PXYLP1: variants seen among roughly 807,000 people sequenced by gnomAD.
PXYLP1 encodes the protein 2-phosphoxylose phosphatase 1.
Under a neutral mutation model 37.9 loss-of-function variants are expected in PXYLP1, and 17 were observed. The observed-to-expected ratio is 0.45, with a 90% confidence interval of 0.31 to 0.67. The LOEUF (loss-of-function observed/expected upper bound fraction) is 0.67. Ranked by LOEUF, PXYLP1 falls within the 30% of genes least tolerant of loss-of-function variation. PXYLP1 has a pLI of 0.07. For synonymous variants in PXYLP1, 221 were observed against 232.2 expected (o/e 0.95, Z 0.44); for missense variants, 511 against 612.0 (o/e 0.84, Z 1.74).
intron 2 of PXYLP1, chr3:141,273,528 G>A: frequency 1.0e-6 from 1 of 985,406 alleles, no homozygotes; most frequent in Non-Finnish European, 1.2e-6. Flanking sequence ...TGGTGGGGAG[G>A]GAGCCTGCGT....
At chr3:141,264,167 C>G (rs757757881) in intron 2 of PXYLP1, among the ~76,000 whole-genome samples, 7 of 151,476 alleles carry the variant, frequency 4.6e-5, no homozygotes, top group Non-Finnish European at 2.9e-5. Flanking sequence ...GATTCAGATT[C>G]CCAGTGGGAA....
chr3:141,248,113 C>T (rs542121570), intron 1 of PXYLP1, among the ~76,000 whole-genome samples: 2 of 151,102 alleles, frequency 1.3e-5, no homozygotes, highest in Admixed American at 6.6e-5. Flanking sequence ...ACCTCTGCCT[C>T]CCAGGTTCAA....
intron 3 of PXYLP1, among the ~76,000 whole-genome samples, chr3:141,278,948 A>G (rs1941875486): frequency 6.6e-6 from 1 of 152,210 alleles, no homozygotes; most frequent in Non-Finnish European, 1.5e-5. Flanking sequence ...TGCTTTTGTA[A>G]AAGTGTATCA....
intron 1 of PXYLP1, among the ~76,000 whole-genome samples, chr3:141,259,218 A>G (rs1001174518): frequency 2.0e-5 from 3 of 152,234 alleles, no homozygotes; most frequent in African/African-American, 7.2e-5. Context: ...GAAGAAGATT[A>G]TATTTGAATG....
At chr3:141,274,553 T>G (rs1414598689) in intron 2 of PXYLP1, 1 of 1,146,580 alleles carries the variant, frequency 8.7e-7, no homozygotes, top group Admixed American at 2.0e-5. Context: ...CAACCCTCAG[T>G]GCTCCACATG....
chr3:141,266,971 G>A (rs555962755), intron 2 of PXYLP1, among the ~76,000 whole-genome samples: 6 of 152,268 alleles, frequency 3.9e-5, no homozygotes, highest in South Asian at 2.1e-4. Context: ...CACCTTCCTC[G>A]GTGGTTCAGA....
chr3:141,261,465 A>G (rs982061851), intron 2 of PXYLP1, among the ~76,000 whole-genome samples: 1 of 152,232 alleles, frequency 6.6e-6, no homozygotes, highest in African/African-American at 2.4e-5. Flanking sequence ...TCAGCACAAT[A>G]ATAAGCAACC....
chr3:141,249,890 G>A (rs569652583), intron 1 of PXYLP1, among the ~76,000 whole-genome samples: 1 of 152,178 alleles, frequency 6.6e-6, no homozygotes, highest in Admixed American at 6.5e-5. Flanking sequence ...GGCTTGATGA[G>A]TTAGTTATTT....
intron 1 of PXYLP1, among the ~76,000 whole-genome samples, chr3:141,248,640 C>CGT (rs1230838743): frequency 1.1e-5 from 1 of 93,986 alleles, no homozygotes; most frequent in East Asian, 4.0e-4. Flanking sequence ...TATATACACA[C>CGT]GTGTATATAT....
chr3:141,274,378 C>A, intron 2 of PXYLP1: 2 of 1,439,458 alleles, frequency 1.4e-6, no homozygotes, highest in East Asian at 2.5e-5. Context: ...GTATCCTGAG[C>A]CAGCTTGCTG....
Position 141,260,109 on chromosome 3 carries a change from T to C in PXYLP1, c.-53-14T>C. ...CCTCTAAACACTCATTTATCACCTC[T>C]GCTTTATTCACAGGACATGTTCCCG... is the stretch of plus-strand genomic sequence containing the variant. On this transcript the variant is annotated splice_polypyrimidine_tract_variant and intron_variant, in intron 1 of 5. Coordinates refer to ENST00000286353, the MANE Select transcript of PXYLP1 (RefSeq NM_001037172.3). 6.3e-7 allele frequency: 1 copy of C among 1,587,934 alleles called. No individual in the cohort carries two copies. The highest frequency in any genetic ancestry group is 1.3e-5 in the African/African-American group (1 of 74,580).
chr3:141,248,611 G>GTA (rs1400814568), intron 1 of PXYLP1, among the ~76,000 whole-genome samples: 1 of 94,810 alleles, frequency 1.1e-5, no homozygotes, highest in Non-Finnish European at 2.0e-5. Flanking sequence ...ATATACACAC[G>GTA]TATATATACA....
intron 4 of PXYLP1, among the ~76,000 whole-genome samples, chr3:141,283,272 C>T (rs191274650): frequency 6.6e-6 from 1 of 152,070 alleles, no homozygotes; most frequent in Admixed American, 6.6e-5. Flanking sequence ...GTGAGCCACC[C>T]TGCCTGGCCT....
intron 4 of PXYLP1, among the ~76,000 whole-genome samples, chr3:141,283,795 C>T (rs1942009922): frequency 6.6e-6 from 1 of 151,554 alleles, no homozygotes; most frequent in African/African-American, 2.4e-5. Context: ...CTGTGCAGAA[C>T]TCAGTCATTG....
At chr3:141,251,423 A>G (rs1384136806) in intron 1 of PXYLP1, among the ~76,000 whole-genome samples, 5 of 152,230 alleles carry the variant, frequency 3.3e-5, no homozygotes, top group Non-Finnish European at 5.9e-5. Context: ...TATTACGTCC[A>G]ATCACGACTC....
chr3:141,286,899 G>A (rs1942087084), intron 4 of PXYLP1, among the ~76,000 whole-genome samples: 1 of 152,258 alleles, frequency 6.6e-6, no homozygotes, highest in Non-Finnish European at 1.5e-5. Flanking sequence ...AGCACCAGGA[G>A]AAAGAATCTG....
chr3:141,248,657 GTATA>G (rs1394565205), intron 1 of PXYLP1, among the ~76,000 whole-genome samples: 2 of 62,898 alleles, frequency 3.2e-5, no homozygotes, highest in African/African-American at 2.2e-4. Context: ...ATATACACAC[GTATA>G]TATACACACA....
At chr3:141,238,511 G>A (rs959789846) in intron 1 of PXYLP1, among the ~76,000 whole-genome samples, 2 of 152,168 alleles carry the variant, frequency 1.3e-5, no homozygotes, top group East Asian at 1.9e-4. Flanking sequence ...ACTTCATACC[G>A]ATAAGTCAGC....
intron 1 of PXYLP1, chr3:141,235,214 G>A (rs1481727456): frequency 6.6e-6 from 1 of 152,288 alleles, no homozygotes; most frequent in Admixed American, 6.5e-5. Flanking sequence ...CATTTGCTGG[G>A]CCCATCATTC....
Sources: gnomAD v4.1 joint callset for allele counts (sites outside exome capture counted in the v4.1 genomes callset) on GRCh38, gnomAD v4.1.1 for gene constraint, MANE v1.5 for transcripts, NCBI Gene and HGNC (gene_info 2026-07-23, HGNC 2026-07-21) for gene names.